EIF3E: variants seen among roughly 807,000 people sequenced by gnomAD.
EIF3E encodes the protein eIF-3 p48.
A neutral mutation model predicts 59.3 loss-of-function variants in EIF3E; 25 were observed. That is an observed-to-expected ratio of 0.42 (90% CI 0.31 to 0.59). EIF3E has a LOEUF of 0.59. Among genes scored for constraint, EIF3E ranks in the 20% least tolerant of loss-of-function variants. The pLI, the probability that EIF3E is intolerant of heterozygous loss-of-function variation, is 0.15. For synonymous variants in EIF3E, 176 were observed against 170.2 expected (o/e 1.03, Z -0.26); for missense variants, 317 against 534.3 (o/e 0.59, Z 4.01).
chr8:108,234,803 T>A, intron 5 of EIF3E, 195 bp downstream of exon 5: 1 of 364,794 alleles, frequency 2.7e-6, no homozygotes, highest in Non-Finnish European at 4.9e-6. Flanking sequence ...ACCCTCCAAA[T>A]TTTGAGGCCC....
At chr8:108,217,571 TAAGA>T (rs1815327722) in intron 7 of EIF3E, 111 bp from the exon 8 acceptor site, 18 of 802,594 alleles carry the variant, frequency 2.2e-5, no homozygotes, top group Non-Finnish European at 3.2e-5. Context: ...TGCAAACACT[TAAGA>T]ATGAGTATTA....
intron 3 of EIF3E, among the ~76,000 whole-genome samples, chr8:108,237,045 T>G (rs12156220): frequency 0.25 from 38,526 of 151,894 alleles, 5,757 homozygotes; most frequent in East Asian, 0.4. Flanking sequence ...AAATAAAAAT[T>G]TAAAAATCAT....
intron 1 of EIF3E, among the ~76,000 whole-genome samples, chr8:108,247,521 A>G (rs1481810942): frequency 6.6e-6 from 1 of 152,252 alleles, no homozygotes; most frequent in Non-Finnish European, 1.5e-5. Context: ...CCTAACGTCA[A>G]CAACTTTAGA....
intron 1 of EIF3E, among the ~76,000 whole-genome samples, chr8:108,244,179 TTAA>T (rs1291379480): frequency 6.6e-6 from 1 of 152,238 alleles, no homozygotes; most frequent in East Asian, 1.9e-4. Flanking sequence ...TACAGGTCTA[TTAA>T]TAAGAATAGA....
At chr8:108,206,756 T>C (rs751953967) in intron 10 of EIF3E, among the ~76,000 whole-genome samples, 1 of 152,132 alleles carries the variant, frequency 6.6e-6, no homozygotes. Flanking sequence ...TAAGCTATGA[T>C]TGCGCCACTG....
chr8:108,214,263 T>G (rs1393305044), intron 10 of EIF3E, among the ~76,000 whole-genome samples: 1 of 152,196 alleles, frequency 6.6e-6, no homozygotes, highest in Non-Finnish European at 1.5e-5. Context: ...TTAATGGGTA[T>G]CTCCTTTGTA....
At chr8:108,220,526 T>C (rs1319500469) in intron 7 of EIF3E, among the ~76,000 whole-genome samples, 1 of 152,256 alleles carries the variant, frequency 6.6e-6, no homozygotes, top group African/African-American at 2.4e-5. Context: ...ATTCATACCA[T>C]GTTGTCACTG....
intron 3 of EIF3E, among the ~76,000 whole-genome samples, chr8:108,239,739 AC>A (rs1179536788): frequency 1.3e-5 from 2 of 152,202 alleles, no homozygotes; most frequent in African/African-American, 4.8e-5. Context: ...ATAGATAAGT[AC>A]TAAAGAAGTT....
chr8:108,236,586 A>G (rs1815734063), intron 3 of EIF3E, among the ~76,000 whole-genome samples: 1 of 152,202 alleles, frequency 6.6e-6, no homozygotes, highest in Admixed American at 6.5e-5. Flanking sequence ...CAAATTTCTA[A>G]TAGATAATAT....
intron 10 of EIF3E, among the ~76,000 whole-genome samples, chr8:108,214,270 T>G (rs956707386): frequency 6.6e-6 from 1 of 152,200 alleles, no homozygotes; most frequent in Non-Finnish European, 1.5e-5. Context: ...GTATCTCCTT[T>G]GTACTGTTGT....
At chr8:108,227,240 C>T (rs929113447) in intron 7 of EIF3E, 17 of 152,176 alleles carry the variant, frequency 1.1e-4, no homozygotes, top group African/African-American at 4.1e-4. Flanking sequence ...GGGAGGATGG[C>T]TTGAGCCTGG....
chr8:108,202,029 T>C, intron 12 of EIF3E, 106 bp from the exon 13 acceptor site: 2 of 1,031,142 alleles, frequency 1.9e-6, no homozygotes, highest in South Asian at 2.3e-5. Context: ...TATAGTCTCT[T>C]GCCAAACCAT....
chr8:108,209,321 T>G (rs934246695), intron 10 of EIF3E, among the ~76,000 whole-genome samples: 1 of 152,052 alleles, frequency 6.6e-6, no homozygotes, highest in African/African-American at 2.4e-5. Flanking sequence ...AAAGTCTATT[T>G]TGGGGCTTAA....
intron 5 of EIF3E, chr8:108,233,603 A>G: frequency 3.0e-6 from 1 of 333,210 alleles, no homozygotes; most frequent in Non-Finnish European, 6.2e-6. Flanking sequence ...AAGCATTGAA[A>G]GGCTGAGGAG....
intron 1 of EIF3E, among the ~76,000 whole-genome samples, chr8:108,244,853 A>T (rs1815916463): frequency 6.6e-6 from 1 of 151,878 alleles, no homozygotes; most frequent in Non-Finnish European, 1.5e-5. Flanking sequence ...ATGACTACAA[A>T]ATGTTTCAAA....
chr8:108,228,072 T>C, intron 7 of EIF3E, 195 bp downstream of exon 7: 1 of 479,816 alleles, frequency 2.1e-6, no homozygotes, highest in African/African-American at 2.0e-5. Flanking sequence ...TTAAAAGGCT[T>C]AGGGTACACT....
intron 7 of EIF3E, among the ~76,000 whole-genome samples, chr8:108,219,449 C>A (rs1410506898): frequency 6.6e-6 from 1 of 152,056 alleles, no homozygotes; most frequent in Non-Finnish European, 1.5e-5. Context: ...CTAATGAGAC[C>A]AATGGAATTC....
At chr8:108,216,614 T>C in intron 8 of EIF3E, 101 bp from the exon 9 acceptor site, 3 of 811,984 alleles carry the variant, frequency 3.7e-6, no homozygotes, top group Non-Finnish European at 5.9e-6. Context: ...TCTTTACCAT[T>C]AATTTCTAGC....
chr8:108,241,813 T>C lies in EIF3E; in HGVS notation c.191A>G (p.Asp64Gly). The change falls in exon 2 of 13, where the codon GAT (aspartate) becomes GGT (glycine). Residue 64 changes from aspartate (D) to glycine (G), a missense_variant. Physicochemically the swap from Asp to Gly is moderately conservative, Grantham distance 94. This residue lies in a region of EIF3E where 242 missense variants were observed against 398.0 expected (regional missense o/e 0.61). Coordinates refer to ENST00000220849, the MANE Select transcript of EIF3E (RefSeq NM_001568.3). ...AMDVYKNLYS[D>G]DIPHALREKR... ...ACAAAACTTACCATGAGGAATATCA[T>C]CAGAATAAAGGTTTTTGTATACATC... 1 of 1,573,290 alleles carries C rather than the reference T, an allele frequency of 6.4e-7. No homozygotes were observed. Among genetic ancestry groups the C allele is most frequent in the South Asian group, 1.2e-5 (1 of 83,190 alleles).
Sources: allele counts gnomAD v4.1 joint callset (sites outside exome capture counted in the v4.1 genomes callset), GRCh38; gene constraint gnomAD v4.1.1; regional missense constraint gnomAD v4.1.1; transcripts MANE v1.5; gene names NCBI Gene and HGNC (gene_info 2026-07-23, HGNC 2026-07-21).